Variants in GALNT17 observed in about 807,000 individuals in gnomAD.
The protein encoded by GALNT17 is polypeptide N-acetylgalactosaminyltransferase 17.
A neutral mutation model predicts 63.7 loss-of-function variants in GALNT17; 29 were observed. That is an observed-to-expected ratio of 0.46 (90% CI 0.34 to 0.62). The LOEUF (loss-of-function observed/expected upper bound fraction) is 0.62, where lower values mean the gene tolerates loss of function less well. GALNT17 is among the 20% of genes least tolerant of loss of function. GALNT17 has a pLI of 0.01. For missense variants in GALNT17, 603 were observed against 799.6 expected, an observed-to-expected ratio of 0.75 and a Z score of 2.97; for synonymous variants, 305 against 318.3, an observed-to-expected ratio of 0.96 and a Z score of 0.45.
chr7:71,273,018 C>T (rs1478268708), intron 1 of GALNT17, among the ~76,000 whole-genome samples: 1 of 149,050 alleles, frequency 6.7e-6, no homozygotes, highest in Non-Finnish European at 1.5e-5. Context: ...CAGCTAAAAC[C>T]TCAGGTCCAA....
intron 10 of GALNT17, 62 bp from the exon 11 acceptor site, chr7:71,711,956 T>A: frequency 6.4e-7 from 1 of 1,566,226 alleles, no homozygotes; most frequent in Non-Finnish European, 8.8e-7. Flanking sequence ...TCTCTCTATA[T>A]CTCTCGCTGT....
chr7:71,671,989 C>T (rs1461058601), intron 8 of GALNT17, among the ~76,000 whole-genome samples: 3 of 145,998 alleles, frequency 2.1e-5, no homozygotes, highest in African/African-American at 7.7e-5. Context: ...GATCGCGCCA[C>T]TGCACTCCAG....
chr7:71,247,714 C>T (rs911512803), intron 1 of GALNT17, among the ~76,000 whole-genome samples: 2 of 152,202 alleles, frequency 1.3e-5, no homozygotes, highest in Non-Finnish European at 2.9e-5. Context: ...ACCTCAGCCT[C>T]CCAAAGTGCT....
At chr7:71,613,279 G>T (rs946789756) in intron 6 of GALNT17, among the ~76,000 whole-genome samples, 2 of 152,180 alleles carry the variant, frequency 1.3e-5, no homozygotes, top group African/African-American at 2.4e-5. Context: ...AAAGGTAGAT[G>T]ATTTACTTTG....
intron 5 of GALNT17, among the ~76,000 whole-genome samples, chr7:71,536,761 A>G (rs1277203850): frequency 6.6e-6 from 1 of 152,224 alleles, no homozygotes; most frequent in African/African-American, 2.4e-5. Context: ...AGCTCCTTGT[A>G]GAATGGGAAC....
chr7:71,281,977 C>T (rs1282417144), intron 1 of GALNT17, among the ~76,000 whole-genome samples: 1 of 152,176 alleles, frequency 6.6e-6, no homozygotes, highest in South Asian at 2.1e-4. Flanking sequence ...GGGCCCAGGT[C>T]ACAGGTTGCT....
chr7:71,212,891 T>C (rs1417372080), intron 1 of GALNT17, among the ~76,000 whole-genome samples: 1 of 152,160 alleles, frequency 6.6e-6, no homozygotes, highest in African/African-American at 2.4e-5. Context: ...TTGCTTTTGA[T>C]TTTATAGGCT....
chr7:71,571,026 G>A (rs1789432350), intron 5 of GALNT17, among the ~76,000 whole-genome samples: 1 of 152,174 alleles, frequency 6.6e-6, no homozygotes, highest in Middle Eastern at 3.4e-3. Context: ...AACAGAGAGA[G>A]GAGGTGTGGG....
intron 6 of GALNT17, among the ~76,000 whole-genome samples, chr7:71,621,553 AGATGGATG>A (rs71089967): frequency 9.8e-5 from 14 of 142,932 alleles, no homozygotes; most frequent in African/African-American, 2.4e-4. Context: ...ATTGATGGAT[AGATGGATG>A]GATGGATGGA....
rs1359893772 is a variant in GALNT17, at chr7:71,405,749, G to A, written c.590-10140G>A. ...CAGCTCCCTGGGGCCTCTTTTGTAA[G>A]GACACTCATCCCATTCATGAGGGTA... On this transcript the variant is annotated intron_variant, in intron 3 of 10. Transcript: ENST00000333538. Among the ~76,000 whole-genome samples, 8 of 152,050 alleles carry A rather than the reference G, an allele frequency of 5.3e-5. No homozygotes were observed. In the South Asian group the frequency reaches 1.5e-3, roughly 28 times the overall value.
chr7:71,486,556 C>T (rs567496759), intron 5 of GALNT17, among the ~76,000 whole-genome samples: 6 of 151,632 alleles, frequency 4.0e-5, no homozygotes, highest in Non-Finnish European at 8.8e-5. Context: ...TGACACATGC[C>T]GAAGAGCCTC....
At chr7:71,408,436 A>T (rs888808119) in intron 3 of GALNT17, among the ~76,000 whole-genome samples, 3 of 152,120 alleles carry the variant, frequency 2.0e-5, no homozygotes, top group African/African-American at 7.2e-5. Flanking sequence ...AGGAGTGTTG[A>T]TAGAATTGTG....
intron 5 of GALNT17, among the ~76,000 whole-genome samples, chr7:71,539,340 A>G (rs1788850105): frequency 1.3e-5 from 2 of 152,176 alleles, no homozygotes; most frequent in African/African-American, 4.8e-5. Context: ...AATGATAAAA[A>G]TAGAAATGTG....
chr7:71,338,103 G>A (rs1255969437), intron 2 of GALNT17, among the ~76,000 whole-genome samples: 1 of 151,890 alleles, frequency 6.6e-6, no homozygotes, highest in East Asian at 2.0e-4. Flanking sequence ...CGAGGCGGGC[G>A]GATCACGAGA....
intron 6 of GALNT17, among the ~76,000 whole-genome samples, chr7:71,633,521 G>A (rs1009918815): frequency 9.9e-5 from 15 of 152,252 alleles, no homozygotes; most frequent in Admixed American, 3.9e-4. Flanking sequence ...AAATGTGGCC[G>A]AGGAAATGAA....
chr7:71,566,902 C>T (rs1441609912), intron 5 of GALNT17, among the ~76,000 whole-genome samples: 1 of 152,142 alleles, frequency 6.6e-6, no homozygotes, highest in African/African-American at 2.4e-5. Context: ...TCCATGTAGT[C>T]TCCATTGTAC....
intron 5 of GALNT17, among the ~76,000 whole-genome samples, chr7:71,529,907 T>G (rs1788686233): frequency 6.6e-6 from 1 of 152,230 alleles, no homozygotes; most frequent in Non-Finnish European, 1.5e-5. Context: ...ACTCCTGGGC[T>G]TTTCTAGGGA....
chr7:71,693,187 T>C (rs1019792594), intron 9 of GALNT17, among the ~76,000 whole-genome samples: 12 of 126,986 alleles, frequency 9.4e-5, no homozygotes, highest in Non-Finnish European at 1.9e-4. Flanking sequence ...ATAAATAGTG[T>C]GTGTGTATAT....
At chr7:71,247,408 A>G (rs1790118637) in intron 1 of GALNT17, among the ~76,000 whole-genome samples, 1 of 152,116 alleles carries the variant, frequency 6.6e-6, no homozygotes, top group African/African-American at 2.4e-5. Context: ...GGCAGTTGAA[A>G]GTCCACAAAT....
Sources: gnomAD v4.1 joint callset for allele counts (sites outside exome capture counted in the v4.1 genomes callset) on GRCh38, gnomAD v4.1.1 for gene constraint, MANE v1.5 for transcripts, NCBI Gene and HGNC (gene_info 2026-07-23, HGNC 2026-07-21) for gene names.